CLDN10: variants seen among roughly 807,000 people sequenced by gnomAD.
The protein encoded by CLDN10 is claudin-10.
CLDN10 carries 15 observed loss-of-function variants against 22.9 expected under a neutral mutation model. The ratio of observed to expected loss-of-function variants is 0.65; its 90% CI spans 0.44 to 1.01. The LOEUF (loss-of-function observed/expected upper bound fraction) is 1.01. Ranked by LOEUF, CLDN10 falls within the 50% of genes least tolerant of loss-of-function variation. The pLI is 0.00. For synonymous variants in CLDN10, 114 were observed against 111.4 expected (o/e 1.02, Z -0.15); for missense variants, 247 against 287.8 (o/e 0.86, Z 1.03).
At chr13:95,488,987 C>T (rs1351205413) in intron 1 of CLDN10, among the ~76,000 whole-genome samples, 4 of 124,382 alleles carry the variant, frequency 3.2e-5, no homozygotes, top group African/African-American at 6.0e-5. Flanking sequence ...GAGTTTCTCT[C>T]GTCACCCAGG....
chr13:95,435,541 T>G (rs567879262), intron 1 of CLDN10, among the ~76,000 whole-genome samples: 2 of 152,330 alleles, frequency 1.3e-5, no homozygotes, highest in East Asian at 3.9e-4. Flanking sequence ...TGGACTTTCC[T>G]AAGTACCCAT....
chr13:95,467,515 T>G (rs2042591938), intron 1 of CLDN10, among the ~76,000 whole-genome samples: 1 of 136,544 alleles, frequency 7.3e-6, no homozygotes, highest in South Asian at 2.3e-4. Context: ...TACCCCTCCC[T>G]CTATTGTTTT....
chr13:95,471,418 TACACACACACAC>T (rs1219762768), intron 1 of CLDN10, among the ~76,000 whole-genome samples: 1 of 106,472 alleles, frequency 9.4e-6, no homozygotes, highest in Non-Finnish European at 1.9e-5. Context: ...CACACACATA[TACACACACACAC>T]ACACACACAC....
At chr13:95,504,581 C>T (rs756738057) in intron 1 of CLDN10, among the ~76,000 whole-genome samples, 8 of 152,154 alleles carry the variant, frequency 5.3e-5, no homozygotes, top group South Asian at 2.1e-4. Flanking sequence ...GGTTTCACCA[C>T]GTTGGTCAGG....
chr13:95,540,444 A>G (rs2043448678), intron 1 of CLDN10, among the ~76,000 whole-genome samples: 1 of 152,160 alleles, frequency 6.6e-6, no homozygotes, highest in Non-Finnish European at 1.5e-5. Context: ...CAGTGAGCCA[A>G]GATAGCACCA....
intron 1 of CLDN10, among the ~76,000 whole-genome samples, chr13:95,545,842 G>T (rs954824073): frequency 4.6e-5 from 7 of 152,128 alleles, no homozygotes; most frequent in African/African-American, 1.7e-4. Flanking sequence ...GTGCTCACTG[G>T]CAGAACGTTC....
intron 1 of CLDN10, among the ~76,000 whole-genome samples, chr13:95,529,468 T>C (rs566135024): frequency 2.6e-4 from 40 of 152,314 alleles, no homozygotes; most frequent in African/African-American, 9.4e-4. Flanking sequence ...TATTAATATG[T>C]TATTTTTTTG....
chr13:95,503,619 C>T (rs1271247469), intron 1 of CLDN10, among the ~76,000 whole-genome samples: 1 of 152,138 alleles, frequency 6.6e-6, no homozygotes, highest in Non-Finnish European at 1.5e-5. Context: ...AATGGATAAA[C>T]AAAATGTCCT....
intron 3 of CLDN10, among the ~76,000 whole-genome samples, chr13:95,572,445 CCTTAGTTTCCTCATTTGTA>C (rs2043876003): frequency 6.6e-6 from 1 of 152,056 alleles, no homozygotes; most frequent in African/African-American, 2.4e-5. Flanking sequence ...TCTCCCAGAG[CCTTAGTTTCCTCATTTGTA>C]AAATGAGGAT....
At position 95,535,461 on chromosome 13, in the gene CLDN10, G is replaced by A. The variant is rs903120645; in HGVS notation, c.215-24671G>A. 7.3e-5 allele frequency among the ~76,000 whole-genome samples: 11 copies of A among 150,656 alleles called. No homozygotes were observed. The East Asian group carries it at 1.9e-3, about 27-fold the overall frequency. On this transcript the variant is annotated intron_variant, in intron 1 of 4. Transcript: ENST00000376873. ...AGTGATGAGGAGTACAGAGGGAAGA[G>A]CGCCATCCAAGATGACTCAGGAACA...
chr13:95,563,617 C>G (rs566351021), intron 3 of CLDN10, among the ~76,000 whole-genome samples: 1 of 152,238 alleles, frequency 6.6e-6, no homozygotes, highest in South Asian at 2.1e-4. Context: ...CAGTGCCTTT[C>G]ACAAAGAAAG....
At chr13:95,568,531 C>G (rs1463072929) in intron 3 of CLDN10, among the ~76,000 whole-genome samples, 1 of 152,176 alleles carries the variant, frequency 6.6e-6, no homozygotes, top group Non-Finnish European at 1.5e-5. Context: ...TGGCTAACCT[C>G]TGATCAGCCT....
intron 1 of CLDN10, among the ~76,000 whole-genome samples, chr13:95,465,513 G>A (rs1372979185): frequency 6.6e-6 from 1 of 152,224 alleles, no homozygotes; most frequent in Non-Finnish European, 1.5e-5. Flanking sequence ...GGAAAGTTAA[G>A]TTTAAGTCTA....
intron 1 of CLDN10, among the ~76,000 whole-genome samples, chr13:95,441,035 T>C (rs1205788719): frequency 3.3e-5 from 5 of 152,192 alleles, no homozygotes; most frequent in African/African-American, 1.2e-4. Flanking sequence ...CTTATCTCAT[T>C]TATCCTGGTC....
chr13:95,564,060 G>T (rs184913071), intron 3 of CLDN10, among the ~76,000 whole-genome samples: 1 of 152,228 alleles, frequency 6.6e-6, no homozygotes, highest in African/African-American at 2.4e-5. Flanking sequence ...AGAGGAATAC[G>T]TTGTAGAATC....
intron 1 of CLDN10, among the ~76,000 whole-genome samples, chr13:95,447,163 T>A (rs1172766521): frequency 6.6e-6 from 1 of 152,214 alleles, no homozygotes; most frequent in Non-Finnish European, 1.5e-5. Flanking sequence ...TGGACATTTG[T>A]GAGGTGGGCA....
chr13:95,553,079 C>G lies in CLDN10; in HGVS notation c.220+106C>G, dbSNP rs113108501. 4.7e-5 allele frequency: 67 copies of G among 1,431,958 alleles called. No homozygotes were observed. The Middle Eastern group carries it at 1.2e-3, about 26-fold the overall frequency. 88.7% of individuals were successfully genotyped at this position (1,431,958 alleles called of 1,614,324 possible). A position where few individuals can be genotyped will look rare whatever the true frequency, so the allele number is the denominator to read the frequency against. On this transcript the variant is annotated intron_variant, in intron 1 of 4. Transcript: ENST00000299339. ...CCCAGCGGGACCCCTAGACTGGACT[C>G]CTCTGAGGCCCGACCCGTCTCTCCC...
chr13:95,480,229 C>A (rs571543065), intron 1 of CLDN10, among the ~76,000 whole-genome samples: 1 of 152,196 alleles, frequency 6.6e-6, no homozygotes, highest in Non-Finnish European at 1.5e-5. Context: ...GTCCCTCCCA[C>A]GACACATGGG....
At chr13:95,447,397 T>C (rs1036739119) in intron 1 of CLDN10, among the ~76,000 whole-genome samples, 6 of 152,194 alleles carry the variant, frequency 3.9e-5, no homozygotes, top group African/African-American at 1.4e-4. Context: ...TTCCAGCTCC[T>C]GGTGGTCAGC....
Sources: gnomAD v4.1 joint callset for allele counts (sites outside exome capture counted in the v4.1 genomes callset) on GRCh38, gnomAD v4.1.1 for gene constraint, MANE v1.5 for transcripts, NCBI Gene and HGNC (gene_info 2026-07-23, HGNC 2026-07-21) for gene names.